UGT2A3: variants seen among roughly 807,000 people sequenced by gnomAD.
UGT2A3 encodes UDP glucuronosyltransferase family 2 member A3, also known as UDP-glucuronosyltransferase 2A3.
In UGT2A3, 55 loss-of-function variants were observed where a neutral mutation model predicts 44.1. The ratio of observed to expected loss-of-function variants is 1.25; its 90% CI spans 1.00 to 1.56. The LOEUF (loss-of-function observed/expected upper bound fraction) is 1.56. Among genes scored for constraint, UGT2A3 ranks in the 40% most tolerant of loss-of-function variants. The pLI is 0.00. For synonymous variants in UGT2A3, 243 were observed against 215.1 expected (o/e 1.13, Z -1.13); for missense variants, 733 against 621.6 (o/e 1.18, Z -1.91).
At chr4:68,930,858 C>A in intron 4 of UGT2A3, 93 bp from the exon 5 acceptor site, 1 of 1,112,204 alleles carries the variant, frequency 9.0e-7, no homozygotes, top group Non-Finnish European at 1.3e-6. Context: ...CGAGATAACT[C>A]ACTGAAGCGT....
chr4:68,939,879 T>A (rs1718119793), intron 2 of UGT2A3, among the ~76,000 whole-genome samples: 1 of 152,088 alleles, frequency 6.6e-6, no homozygotes, highest in African/African-American at 2.4e-5. Flanking sequence ...CATTGAAAAG[T>A]GGGCAAAGGA....
rs559473137 is a variant in UGT2A3 at position 68,938,403 on chromosome 4, C to T, written c.865-5644G>A. On this transcript the variant is annotated intron_variant, in intron 2 of 5. Coordinates refer to ENST00000251566, the MANE Select transcript of UGT2A3 (RefSeq NM_024743.4). ...CCCGGAGGCAAGTCTGGTTCAACAT[C>T]CACAAATCAATAAATGTAATCCTTC... Among the ~76,000 whole-genome samples, 6 of 151,972 alleles carry T rather than the reference C, an allele frequency of 3.9e-5. No homozygotes were observed. In the East Asian group the frequency reaches 7.8e-4, roughly 20 times the overall value.
chr4:68,936,887 G>GAAAAAAAAA (rs1289704368), intron 2 of UGT2A3, among the ~76,000 whole-genome samples: 1 of 7,588 alleles, frequency 1.3e-4, no homozygotes, highest in Non-Finnish European at 4.0e-4. Flanking sequence ...TAAATGGAAA[G>GAAAAAAAAA]CAAAAAAAAA....
chr4:68,931,620 C>A (rs1198132319), intron 3 of UGT2A3, among the ~76,000 whole-genome samples: 2 of 151,894 alleles, frequency 1.3e-5, no homozygotes, highest in Admixed American at 6.6e-5. Context: ...CTCATTCTAC[C>A]ATCAAATTTA....
intron 2 of UGT2A3, among the ~76,000 whole-genome samples, chr4:68,933,175 C>T (rs772064549): frequency 1.1e-4 from 17 of 151,988 alleles, no homozygotes; most frequent in African/African-American, 3.4e-4. Flanking sequence ...AGCAACTATT[C>T]GAATATAAAA....
At chr4:68,935,313 T>TAC (rs1717903120) in intron 2 of UGT2A3, among the ~76,000 whole-genome samples, 1 of 133,736 alleles carries the variant, frequency 7.5e-6, no homozygotes, top group South Asian at 2.3e-4. Context: ...TATATATATA[T>TAC]ATATGCATAA....
At position 68,930,109 on chromosome 4, in the gene UGT2A3, C is replaced by T. The variant is rs1228792199; in HGVS notation, c.1305-17G>A. ...TCTTTATAACTGGAAGGGAAAAACACACATAGAACTTAGAAAGTTGTAGTT... is the reference window on the plus strand; with the variant it reads ...TCTTTATAACTGGAAGGGAAAAACATACATAGAACTTAGAAAGTTGTAGTT... On this transcript the variant is annotated splice_polypyrimidine_tract_variant and intron_variant, in intron 5 of 5. Transcript: ENST00000251566. 3.2e-6 allele frequency: 5 copies of T among 1,587,280 alleles called. No homozygotes were observed. Among genetic ancestry groups the T allele is most frequent in the East Asian group, 2.2e-5 (1 of 44,522 alleles).
chr4:68,930,829 A>G, intron 4 of UGT2A3, 64 bp from the exon 5 acceptor site: 1 of 1,370,994 alleles, frequency 7.3e-7, no homozygotes, highest in Non-Finnish European at 9.8e-7. Context: ...AATTATTTAA[A>G]GACTACAGAT....
chr4:68,935,779 T>C (rs1717929855), intron 2 of UGT2A3, among the ~76,000 whole-genome samples: 1 of 152,120 alleles, frequency 6.6e-6, no homozygotes, highest in East Asian at 1.9e-4. Context: ...TAAAGGAGCA[T>C]GTTCTAACCC....
At chr4:68,950,971 C>A in intron 1 of UGT2A3, 75 bp downstream of exon 1, 1 of 1,079,894 alleles carries the variant, frequency 9.3e-7, no homozygotes, top group South Asian at 1.8e-5. Flanking sequence ...ATATATATGT[C>A]ATAGACAATG....
intron 2 of UGT2A3, among the ~76,000 whole-genome samples, chr4:68,939,306 A>G (rs568285308): frequency 6.6e-6 from 1 of 152,272 alleles, no homozygotes; most frequent in Admixed American, 6.5e-5. Flanking sequence ...CTACATTACA[A>G]GGCTGCAGTA....
chr4:68,945,536 GA>G, intron 1 of UGT2A3, 82 bp from the exon 2 acceptor site: 3 of 1,275,544 alleles, frequency 2.4e-6, no homozygotes, highest in Admixed American at 2.6e-5. Context: ...AAGCTATTAA[GA>G]AAAAAATAAG....
chr4:68,950,117 G>C (rs1031652084), intron 1 of UGT2A3, among the ~76,000 whole-genome samples: 1 of 151,844 alleles, frequency 6.6e-6, no homozygotes, highest in Non-Finnish European at 1.5e-5. Context: ...ATGTAGACTT[G>C]AGGCCAAGAG....
In UGT2A3 at chr4:68,940,066, G is replaced by A. The variant is rs148517048; in HGVS notation, c.864+5240C>T. On this transcript the variant is annotated intron_variant, in intron 2 of 5. Transcript: ENST00000251566. ...GGAAACAACAGATACTGGAGAGGAT[G>A]TGGGGAAATAGGAACGTTTTTACAC... 4.8e-3 allele frequency among the ~76,000 whole-genome samples: 724 copies of A among 152,282 alleles called. 20 individuals are homozygous for A. In the South Asian group the frequency reaches 0.059, roughly 13 times the overall value.
intron 1 of UGT2A3, among the ~76,000 whole-genome samples, chr4:68,946,387 T>C (rs1021879759): frequency 1.3e-5 from 2 of 151,616 alleles, no homozygotes; most frequent in Non-Finnish European, 3.0e-5. Context: ...TTTTCCTAGG[T>C]CATAAATCCA....
At chr4:68,939,486 C>T (rs964997100) in intron 2 of UGT2A3, among the ~76,000 whole-genome samples, 10 of 151,930 alleles carry the variant, frequency 6.6e-5, no homozygotes, top group African/African-American at 1.9e-4. Flanking sequence ...TGGGAAAACA[C>T]GCTAGCCATA....
intron 1 of UGT2A3, among the ~76,000 whole-genome samples, chr4:68,949,893 G>A (rs760556903): frequency 3.3e-5 from 5 of 151,796 alleles, no homozygotes; most frequent in Non-Finnish European, 7.4e-5. Flanking sequence ...TATATATCAA[G>A]CTGCTCCATG....
intron 2 of UGT2A3, among the ~76,000 whole-genome samples, chr4:68,939,203 A>G (rs1313675621): frequency 6.6e-6 from 1 of 152,192 alleles, no homozygotes; most frequent in African/African-American, 2.4e-5. Flanking sequence ...AACTACTTTA[A>G]AGTTCACATA....
intron 2 of UGT2A3, among the ~76,000 whole-genome samples, chr4:68,935,334 T>C (rs1180413129): frequency 7.1e-6 from 1 of 140,916 alleles, no homozygotes; most frequent in East Asian, 2.2e-4. Context: ...TATATTTGCT[T>C]CCAGAGGAAG....
Sources: gnomAD v4.1 joint callset for allele counts (sites outside exome capture counted in the v4.1 genomes callset) on GRCh38, gnomAD v4.1.1 for gene constraint, MANE v1.5 for transcripts, NCBI Gene and HGNC (gene_info 2026-07-23, HGNC 2026-07-21) for gene names.